Variants in SSH2 observed in about 807,000 individuals in gnomAD.
SSH2 encodes slingshot protein phosphatase 2, also known as protein phosphatase Slingshot homolog 2.
SSH2 carries 37 observed loss-of-function variants against 135.2 expected under a neutral mutation model. The observed-to-expected ratio is 0.27, with a 90% CI of 0.21 to 0.36. The LOEUF is 0.36. Among genes scored for constraint, SSH2 ranks in the 10% least tolerant of loss-of-function variants. The pLI is 1.00. For missense variants in SSH2, 1,408 were observed against 1,765.3 expected, an observed-to-expected ratio of 0.80 and a Z score of 3.63; for synonymous variants, 628 against 646.2, an observed-to-expected ratio of 0.97 and a Z score of 0.43.
At chr17:29,718,732 CAAAAAAAAAAAAAA>C (rs752148237) in intron 3 of SSH2, among the ~76,000 whole-genome samples, 3 of 77,322 alleles carry the variant, frequency 3.9e-5, no homozygotes, top group African/African-American at 1.8e-4. Flanking sequence ...GATTTCACCT[CAAAAAAAAAAAAAA>C]AAAAAAAAAA....
Position 29,843,471 on chromosome 17 carries a change from C to T in SSH2, c.144+5378G>A, listed in dbSNP as rs148746623. ...ACTCAAGAGACTGAGGCATGAGAATCGCTTGAATCCAGGAGGTAGAGGCTG... is the reference window on the plus strand; with the variant it reads ...ACTCAAGAGACTGAGGCATGAGAATTGCTTGAATCCAGGAGGTAGAGGCTG... On this transcript the variant is annotated intron_variant, in intron 2 of 15. Coordinates refer to ENST00000540801, the MANE Select transcript of SSH2 (RefSeq NM_001282129.2). Among the ~76,000 whole-genome samples the T allele has an allele frequency of 1.3e-3, 204 of 151,858 alleles. 1 individual carries two copies. The highest frequency in any genetic ancestry group is 0.013 in the Admixed American group (192 of 15,262).
At chr17:29,893,098 C>A (rs1324927924) in intron 1 of SSH2, among the ~76,000 whole-genome samples, 1 of 152,252 alleles carries the variant, frequency 6.6e-6, no homozygotes, top group East Asian at 1.9e-4. Flanking sequence ...ACGAAAGTCA[C>A]TAGTATCCTA....
intron 1 of SSH2, among the ~76,000 whole-genome samples, chr17:29,904,026 A>C (rs1022858876): frequency 4.6e-5 from 7 of 152,180 alleles, no homozygotes; most frequent in Non-Finnish European, 1.0e-4. Context: ...CCAACCAAAA[A>C]AAAAGCCCAG....
chr17:29,665,527 CCTT>C (rs1322325879), intron 11 of SSH2, among the ~76,000 whole-genome samples: 1 of 152,222 alleles, frequency 6.6e-6, no homozygotes, highest in African/African-American at 2.4e-5. Flanking sequence ...CATTTATTCT[CCTT>C]CTCTTCTGTT....
At chr17:29,692,163 A>T (rs961573607) in intron 5 of SSH2, among the ~76,000 whole-genome samples, 16 of 100,712 alleles carry the variant, frequency 1.6e-4, no homozygotes, top group East Asian at 1.1e-3. Flanking sequence ...AATAAATAAA[A>T]AATAAAAAAA....
chr17:29,718,167 C>G (rs1171043506), intron 3 of SSH2, among the ~76,000 whole-genome samples: 3 of 152,170 alleles, frequency 2.0e-5, no homozygotes, highest in African/African-American at 7.2e-5. Flanking sequence ...GGTTAACAAC[C>G]ATCCACCTTC....
At chr17:29,743,019 C>A (rs1201683808) in intron 3 of SSH2, among the ~76,000 whole-genome samples, 8 of 152,116 alleles carry the variant, frequency 5.3e-5, no homozygotes, top group Non-Finnish European at 1.5e-5. Context: ...GCAACCTCCA[C>A]CTCCCGGGTT....
rs35834459 is a variant in SSH2 at position 29,696,612 on chromosome 17, CAT to C, written c.293-1091_293-1090del. ...AGACTCTGTCTCAAAAACATATATA[CAT>C]ATATATATACACACACACACACACA... On this transcript the variant is annotated intron_variant, in intron 4 of 15. Coordinates refer to ENST00000540801, the MANE Select transcript of SSH2 (RefSeq NM_001282129.2). Among the ~76,000 whole-genome samples, 852 of 135,544 alleles carry C rather than the reference CAT, an allele frequency of 6.3e-3. 1 individual carries two copies. The highest frequency in any genetic ancestry group is 0.012 in the East Asian group (50 of 4,226). 88.9% of individuals were successfully genotyped at this position (135,544 alleles called of 152,430 possible).
At chr17:29,792,414 C>T (rs115180805) in intron 3 of SSH2, among the ~76,000 whole-genome samples, 2,289 of 152,116 alleles carry the variant, frequency 0.015, 53 homozygotes, top group African/African-American at 0.052. Flanking sequence ...GATTACGATG[C>T]CTCTGGTACA....
At chr17:29,662,030 C>T (rs1039887541) in intron 11 of SSH2, among the ~76,000 whole-genome samples, 39 of 152,200 alleles carry the variant, frequency 2.6e-4, no homozygotes, top group African/African-American at 9.4e-4. Flanking sequence ...AATTTCCCCC[C>T]CGCCCATGCT....
chr17:29,783,238 T>C (rs572964696), intron 3 of SSH2, among the ~76,000 whole-genome samples: 26 of 149,122 alleles, frequency 1.7e-4, no homozygotes, highest in Admixed American at 1.2e-3. Flanking sequence ...GGGTTCTCTA[T>C]AGGGACAGAA....
At chr17:29,645,491 T>C (rs2036333917) in intron 14 of SSH2, 1 of 152,042 alleles carries the variant, frequency 6.6e-6, no homozygotes, top group Non-Finnish European at 1.5e-5. Flanking sequence ...ACCACACACA[T>C]TAAAAAAACC....
intron 3 of SSH2, among the ~76,000 whole-genome samples, chr17:29,738,669 T>C (rs946930508): frequency 6.6e-6 from 1 of 152,028 alleles, no homozygotes; most frequent in Non-Finnish European, 1.5e-5. Context: ...TTCTCCTGTC[T>C]CAGCCTCCCA....
chr17:29,897,214 C>G (rs928428338), intron 1 of SSH2, among the ~76,000 whole-genome samples: 1 of 152,048 alleles, frequency 6.6e-6, no homozygotes, highest in African/African-American at 2.4e-5. Context: ...TAGGAAGAAA[C>G]TTCATCAACT....
chr17:29,908,312 C>T (rs2066694234), intron 1 of SSH2, among the ~76,000 whole-genome samples: 2 of 151,308 alleles, frequency 1.3e-5, no homozygotes, highest in Admixed American at 1.3e-4. Context: ...ATAAATTAGT[C>T]AGGTATGGTG....
At chr17:29,847,830 C>G (rs937075939) in intron 2 of SSH2, among the ~76,000 whole-genome samples, 1 of 152,198 alleles carries the variant, frequency 6.6e-6, no homozygotes, top group Non-Finnish European at 1.5e-5. Flanking sequence ...ATGGCAATGA[C>G]CCAGAAGTTA....
At chr17:29,753,206 C>T (rs746377616) in intron 3 of SSH2, among the ~76,000 whole-genome samples, 27 of 152,184 alleles carry the variant, frequency 1.8e-4, no homozygotes, top group Admixed American at 3.3e-4. Context: ...ACTTGGCTCA[C>T]GGCAACCTCT....
intron 11 of SSH2, among the ~76,000 whole-genome samples, chr17:29,666,349 G>A (rs2037275449): frequency 6.6e-6 from 1 of 151,930 alleles, no homozygotes; most frequent in African/African-American, 2.4e-5. Flanking sequence ...ACTCCAGGCT[G>A]GGCAACAGAG....
intron 1 of SSH2, among the ~76,000 whole-genome samples, chr17:29,916,927 G>A (rs915043661): frequency 7.9e-5 from 12 of 151,306 alleles, no homozygotes; most frequent in Non-Finnish European, 1.3e-4. Context: ...AACAATAGGA[G>A]AATCACTGCT....
Sources: gnomAD v4.1 joint callset for allele counts (sites outside exome capture counted in the v4.1 genomes callset) on GRCh38, gnomAD v4.1.1 for gene constraint, MANE v1.5 for transcripts, NCBI Gene and HGNC (gene_info 2026-07-23, HGNC 2026-07-21) for gene names.